UNC13C: variants seen among roughly 807,000 people sequenced by gnomAD.
UNC13C encodes the protein protein unc-13 homolog C.
Under a neutral mutation model 245.4 loss-of-function variants are expected in UNC13C, and 174 were observed. That is an observed-to-expected ratio of 0.71 (90% CI 0.63 to 0.80). The LOEUF (loss-of-function observed/expected upper bound fraction) is 0.80. UNC13C is among the 30% of genes least tolerant of loss of function. UNC13C has a pLI of 0.00. For missense variants in UNC13C, 2,829 were observed against 2,602.9 expected (o/e 1.09, Z -1.89); for synonymous variants, 992 against 895.1 (o/e 1.11, Z -1.93).
At chr15:54,037,543 C>A (rs112055903) in intron 2 of UNC13C, among the ~76,000 whole-genome samples, 332 of 152,164 alleles carry the variant, frequency 2.2e-3, no homozygotes, top group Admixed American at 4.1e-3. Context: ...AGTTTGAATT[C>A]ATTTATACAT....
At chr15:53,946,684 T>G in the UNC13C span, among the ~76,000 whole-genome samples, 2 of 150,120 alleles carry the variant, frequency 1.3e-5, no homozygotes, top group African/African-American at 4.9e-5. Flanking sequence ...TTTTTTTTTT[T>G]TTTTTTTTTT....
intron 30 of UNC13C, among the ~76,000 whole-genome samples, chr15:54,587,251 A>C (rs971427620): frequency 6.7e-6 from 1 of 149,446 alleles, no homozygotes; most frequent in East Asian, 1.9e-4. Context: ...CTGTTGTGTC[A>C]TGTTGATTTT....
At chr15:54,358,283 A>C (rs1175074835) in intron 17 of UNC13C, among the ~76,000 whole-genome samples, 1 of 151,944 alleles carries the variant, frequency 6.6e-6, no homozygotes, top group Non-Finnish European at 1.5e-5. Flanking sequence ...TTTTGATTAA[A>C]ATTGCTTTGG....
chr15:54,597,887 T>C (rs1299704765), intron 30 of UNC13C, among the ~76,000 whole-genome samples: 1 of 152,212 alleles, frequency 6.6e-6, no homozygotes, highest in Non-Finnish European at 1.5e-5. Context: ...GTAATGACTT[T>C]TTCAAAATTG....
chr15:54,296,383 A>T (rs8036600), intron 11 of UNC13C, among the ~76,000 whole-genome samples: 23,773 of 79,886 alleles, frequency 0.3, 2,621 homozygotes, highest in African/African-American at 0.51. Context: ...TTTTTTTTTT[A>T]TTTTTTTTTA....
At chr15:54,227,899 G>A (rs1342323886) in intron 4 of UNC13C, among the ~76,000 whole-genome samples, 1 of 152,206 alleles carries the variant, frequency 6.6e-6, no homozygotes, top group Non-Finnish European at 1.5e-5. Flanking sequence ...CAATAAGCAG[G>A]TGGTAAGGCC....
intron 2 of UNC13C, among the ~76,000 whole-genome samples, chr15:54,079,103 A>G (rs917422640): frequency 1.3e-5 from 2 of 151,970 alleles, no homozygotes; most frequent in Non-Finnish European, 2.9e-5. Flanking sequence ...TTGACTTTGT[A>G]GAAGATCAGT....
intron 4 of UNC13C, among the ~76,000 whole-genome samples, chr15:54,201,535 G>A (rs112883483): frequency 5.9e-5 from 9 of 151,658 alleles, no homozygotes; most frequent in South Asian, 2.1e-4. Flanking sequence ...AATATGATAC[G>A]CCACATAAAC....
intron 18 of UNC13C, among the ~76,000 whole-genome samples, chr15:54,394,334 C>A (rs1162045751): frequency 6.6e-6 from 1 of 151,680 alleles, no homozygotes; most frequent in African/African-American, 2.4e-5. Context: ...TCCCTTTTCC[C>A]CCACACCTAA....
At chr15:54,524,224 A>C (rs573265309) in intron 24 of UNC13C, among the ~76,000 whole-genome samples, 5 of 149,608 alleles carry the variant, frequency 3.3e-5, no homozygotes, top group African/African-American at 1.3e-4. Flanking sequence ...AGAAGTCTCT[A>C]TCTGTTATGA....
At chr15:54,168,016 G>T (rs2033247481) in intron 4 of UNC13C, among the ~76,000 whole-genome samples, 1 of 152,146 alleles carries the variant, frequency 6.6e-6, no homozygotes, top group African/African-American at 2.4e-5. Context: ...TGGAGAAAGG[G>T]AGAACTATCC....
chr15:53,990,275 A>G (rs934557373), intron 1 of UNC13C, among the ~76,000 whole-genome samples: 1 of 152,042 alleles, frequency 6.6e-6, no homozygotes, highest in African/African-American at 2.4e-5. Context: ...TAATTATTCC[A>G]TGTATCAATG....
At chr15:54,248,359 G>A (rs12901994) in intron 7 of UNC13C, among the ~76,000 whole-genome samples, 64,928 of 151,882 alleles carry the variant, frequency 0.43, 15,232 homozygotes, top group African/African-American at 0.62. Flanking sequence ...CAGTTAGAAC[G>A]GGAGACTCTG....
At chr15:54,623,621 C>T (rs1462827171) in intron 31 of UNC13C, among the ~76,000 whole-genome samples, 174 bp from the exon 32 acceptor site, 1 of 152,158 alleles carries the variant, frequency 6.6e-6, no homozygotes, top group Non-Finnish European at 1.5e-5. Context: ...GCTGAAAGCT[C>T]CATCAGGTGT....
At chr15:54,192,862 T>C (rs555891090) in intron 4 of UNC13C, among the ~76,000 whole-genome samples, 13 of 151,844 alleles carry the variant, frequency 8.6e-5, no homozygotes, top group African/African-American at 2.4e-4. Flanking sequence ...TTTTATCTAA[T>C]ACAGGTTTCT....
At chr15:54,486,536 T>A (rs1029075830) in intron 19 of UNC13C, among the ~76,000 whole-genome samples, 25 of 152,266 alleles carry the variant, frequency 1.6e-4, no homozygotes, top group Middle Eastern at 3.4e-3. Flanking sequence ...TATAAAGGAA[T>A]GAAATCCACA....
At chr15:54,240,161 TA>T (rs112093934) in intron 7 of UNC13C, among the ~76,000 whole-genome samples, 12 of 151,414 alleles carry the variant, frequency 7.9e-5, no homozygotes, top group East Asian at 3.9e-4. Context: ...AAGGCTTCAG[TA>T]AAAAAAAACT....
rs114082693 is a variant in UNC13C, at chr15:53,980,769, C to T, written c.-257+1842C>T. 4.8e-3 allele frequency among the ~76,000 whole-genome samples: 737 copies of T among 152,202 alleles called. 10 individuals are homozygous for T. The highest frequency in any genetic ancestry group is 0.017 in the African/African-American group (707 of 41,522). On this transcript the variant is annotated intron_variant, in intron 1 of 32. Transcript: ENST00000260323. ...GGTAAATTCATGCCCAGGTGAAATA[C>T]GAGGTAAAGTGTTAGCAAAGCCTAG...
At chr15:54,027,192 A>T (rs1896147535) in intron 2 of UNC13C, among the ~76,000 whole-genome samples, 1 of 151,854 alleles carries the variant, frequency 6.6e-6, no homozygotes, top group Non-Finnish European at 1.5e-5. Flanking sequence ...GAAAAAAAAA[A>T]AACAGGAAAA....
Sources: allele counts gnomAD v4.1 joint callset (sites outside exome capture counted in the v4.1 genomes callset), GRCh38; gene constraint gnomAD v4.1.1; transcripts MANE v1.5; gene names NCBI Gene and HGNC (gene_info 2026-07-23, HGNC 2026-07-21).